The following TLE4 variants were observed in gnomAD, a reference collection of about 807,000 sequenced individuals.
The protein encoded by TLE4 is transducin-like enhancer protein 4.
In TLE4, 8 loss-of-function variants were observed where a neutral mutation model predicts 92.8. That is an observed-to-expected ratio of 0.09 (90% CI 0.05 to 0.16). TLE4 has a LOEUF of 0.16. TLE4 is among the 10% of genes least tolerant of loss of function. The pLI, the probability that TLE4 is intolerant of heterozygous loss-of-function variation, is 1.00. For synonymous variants in TLE4, 371 were observed against 374.1 expected (o/e 0.99, Z 0.10); for missense variants, 675 against 997.6 (o/e 0.68, Z 4.36).
chr9:79,693,245 C>T (rs2067455397), intron 8 of TLE4, among the ~76,000 whole-genome samples: 1 of 152,094 alleles, frequency 6.6e-6, no homozygotes, highest in Non-Finnish European at 1.5e-5. Context: ...GGAATAAAGA[C>T]TCATTTTTCC....
intron 4 of TLE4, among the ~76,000 whole-genome samples, chr9:79,607,551 A>G (rs1349198318): frequency 6.6e-6 from 1 of 152,120 alleles, no homozygotes; most frequent in African/African-American, 2.4e-5. Flanking sequence ...ATTTTTATGT[A>G]AGGTGTAAGG....
chr9:79,714,738 CA>C (rs540841695), intron 14 of TLE4, among the ~76,000 whole-genome samples: 44 of 152,334 alleles, frequency 2.9e-4, no homozygotes, highest in African/African-American at 1.0e-3. Context: ...AGACCAGGTG[CA>C]TTACCTAGTT....
chr9:79,636,385 A>G (rs1235436300), intron 6 of TLE4, among the ~76,000 whole-genome samples: 2 of 152,170 alleles, frequency 1.3e-5, no homozygotes, highest in Non-Finnish European at 2.9e-5. Context: ...ACCTTGGCCT[A>G]CAAGATTCTT....
At chr9:79,652,819 A>C (rs140419571) in intron 7 of TLE4, 25 bp downstream of exon 7, 47 of 1,607,988 alleles carry the variant, frequency 2.9e-5, no homozygotes, top group Non-Finnish European at 3.8e-5. Context: ...TGGAATGCCA[A>C]TCTGAGATGA....
At chr9:79,704,578 TC>T (rs976924763) in intron 8 of TLE4, 70 of 591,636 alleles carry the variant, frequency 1.2e-4, no homozygotes, top group African/African-American at 1.1e-3. Flanking sequence ...CCATTATCTT[TC>T]CCCCTTGTCT....
At chr9:79,683,086 C>CT (rs1196035263) in intron 8 of TLE4, among the ~76,000 whole-genome samples, 1 of 152,138 alleles carries the variant, frequency 6.6e-6, no homozygotes, top group African/African-American at 2.4e-5. Context: ...TGTACAAGAC[C>CT]TTATGTGGGT....
chr9:79,602,796 G>A (rs547133372), intron 4 of TLE4, among the ~76,000 whole-genome samples: 2 of 152,264 alleles, frequency 1.3e-5, no homozygotes, highest in Admixed American at 1.3e-4. Flanking sequence ...TTGTAAGGCT[G>A]TAGCTGCCAT....
chr9:79,705,790 C>T lies in TLE4; in HGVS notation c.730-99C>T. 4 of 1,185,342 alleles carry T rather than the reference C, an allele frequency of 3.4e-6. No individual in the cohort carries two copies. In the South Asian group the frequency reaches 3.6e-5, roughly 11 times the overall value. The allele number at this position is 1,185,342 out of a possible 1,614,324, so 73.4% of individuals were successfully genotyped here. On this transcript the variant is annotated intron_variant, in intron 9 of 19. Coordinates refer to ENST00000376552, the MANE Select transcript of TLE4 (RefSeq NM_007005.6). ...GTATTTAACACTGTTTGGTACAGCTCATCTTTATAAGATATGAGGAATTAG... is the reference window on the plus strand; with the variant it reads ...GTATTTAACACTGTTTGGTACAGCTTATCTTTATAAGATATGAGGAATTAG...
At chr9:79,606,184 G>GTTTTTTTTTTTTTTTTTTTTTTTTT (rs1288414778) in intron 4 of TLE4, among the ~76,000 whole-genome samples, 1 of 18,374 alleles carries the variant, frequency 5.4e-5, no homozygotes, top group Non-Finnish European at 1.2e-4. Context: ...AGCAGTAGTA[G>GTTTTTTTTTTTTTTTTTTTTTTTTT]TTGTTTTTTT....
At chr9:79,620,594 T>C (rs1282500102) in intron 5 of TLE4, among the ~76,000 whole-genome samples, 4 of 152,254 alleles carry the variant, frequency 2.6e-5, no homozygotes, top group Admixed American at 6.5e-5. Flanking sequence ...GGTGCTGAGA[T>C]AACCTGCAGT....
At chr9:79,616,939 G>C (rs181150969) in intron 5 of TLE4, among the ~76,000 whole-genome samples, 15 of 152,312 alleles carry the variant, frequency 9.8e-5, no homozygotes, top group Admixed American at 9.8e-4. Flanking sequence ...GTAGAATAAG[G>C]AGAGTAAGCC....
chr9:79,651,031 A>ATCTCTCTCTCTCTCTCTC (rs10580766), intron 6 of TLE4, among the ~76,000 whole-genome samples: 88 of 138,830 alleles, frequency 6.3e-4, no homozygotes, highest in Middle Eastern at 3.8e-3. Context: ...GGAATGATCG[A>ATCTCTCTCTCTCTCTCTC]TCTCTCTCTC....
intron 8 of TLE4, among the ~76,000 whole-genome samples, chr9:79,694,131 G>C (rs1444166922): frequency 1.3e-5 from 2 of 152,166 alleles, no homozygotes; most frequent in Non-Finnish European, 2.9e-5. Flanking sequence ...AGGGGGGAGT[G>C]TGGAGAACGG....
At chr9:79,610,368 T>G (rs1029926344) in intron 4 of TLE4, among the ~76,000 whole-genome samples, 1 of 152,094 alleles carries the variant, frequency 6.6e-6, no homozygotes, top group Non-Finnish European at 1.5e-5. Flanking sequence ...TGTTATTGGC[T>G]GATCGCTAAA....
chr9:79,608,619 A>G (rs1265457041), intron 4 of TLE4, among the ~76,000 whole-genome samples: 1 of 152,086 alleles, frequency 6.6e-6, no homozygotes, highest in Non-Finnish European at 1.5e-5. Context: ...CGAATGGTAA[A>G]AAGTTATTCT....
At chr9:79,574,348 A>G (rs2037004738) in intron 2 of TLE4, among the ~76,000 whole-genome samples, 1 of 152,206 alleles carries the variant, frequency 6.6e-6, no homozygotes, top group South Asian at 2.1e-4. Context: ...GAACCAAAAC[A>G]AACCACTGAA....
intron 4 of TLE4, among the ~76,000 whole-genome samples, chr9:79,595,182 G>T (rs1256790116): frequency 6.6e-6 from 1 of 152,110 alleles, no homozygotes; most frequent in Non-Finnish European, 1.5e-5. Context: ...ATTTCTTAGG[G>T]CTGTGTTGGA....
At chr9:79,706,616 G>A (rs2135933494) in intron 10 of TLE4, 131 bp from the exon 11 acceptor site, 1 of 1,179,240 alleles carries the variant, frequency 8.5e-7, no homozygotes, top group Non-Finnish European at 1.2e-6. Flanking sequence ...AGTGAGTATT[G>A]TTATCTGTTC....
chr9:79,602,826 G>A (rs1232997174), intron 4 of TLE4, among the ~76,000 whole-genome samples: 6 of 152,154 alleles, frequency 3.9e-5, no homozygotes, highest in African/African-American at 1.4e-4. Flanking sequence ...TTCTTCTGGT[G>A]AATCTGAGCA....
Sources: allele counts gnomAD v4.1 joint callset (sites outside exome capture counted in the v4.1 genomes callset), GRCh38; gene constraint gnomAD v4.1.1; transcripts MANE v1.5; gene names NCBI Gene and HGNC (gene_info 2026-07-23, HGNC 2026-07-21).